The following MACROD1 variants were observed in gnomAD, a reference collection of about 807,000 sequenced individuals.
MACROD1 encodes the protein ADP-ribose glycohydrolase MACROD1.
In MACROD1, 31 loss-of-function variants were observed where a neutral mutation model predicts 41.4. The ratio of observed to expected loss-of-function variants is 0.75; its 90% CI spans 0.56 to 1.01. The LOEUF is 1.01. MACROD1 is among the 50% of genes least tolerant of loss of function. MACROD1 has a pLI of 0.00. For synonymous variants in MACROD1, 252 were observed against 203.4 expected (o/e 1.24, Z -2.03); for missense variants, 473 against 460.0 (o/e 1.03, Z -0.26).
intron 3 of MACROD1, among the ~76,000 whole-genome samples, chr11:64,110,883 T>G (rs1185753070): frequency 6.6e-6 from 1 of 152,178 alleles, no homozygotes; most frequent in Non-Finnish European, 1.5e-5. Context: ...TGAGGCGTGC[T>G]ATCTTCCTCC....
intron 3 of MACROD1, among the ~76,000 whole-genome samples, chr11:64,025,104 G>A (rs949640717): frequency 1.3e-5 from 2 of 152,186 alleles, no homozygotes; most frequent in Admixed American, 6.5e-5. Context: ...TCAGCCTCCT[G>A]AGTAGCTGGG....
intron 4 of MACROD1, chr11:64,001,709 T>G (rs1269537051): frequency 1.4e-6 from 1 of 702,188 alleles, no homozygotes. Context: ...GCTCCTCTCC[T>G]CTGCAGGGAG....
intron 4 of MACROD1, 27 bp downstream of exon 4, chr11:64,015,225 C>T (rs1253529619): frequency 6.3e-7 from 1 of 1,581,804 alleles, no homozygotes; most frequent in Non-Finnish European, 8.6e-7. Context: ...CACACCCCAC[C>T]CCCACCAAGA....
At chr11:64,126,760 G>A (rs1945188724) in intron 3 of MACROD1, 1 of 150,818 alleles carries the variant, frequency 6.6e-6, no homozygotes, top group South Asian at 2.1e-4. Context: ...GAGCAGGCCT[G>A]ATCTCTCCCA....
Position 64,120,578 on chromosome 11 carries a change from G to A in MACROD1, c.517+30661C>T, listed in dbSNP as rs527414800. Reference sequence around the variant, plus strand: ...GCAGGCGCCTGTTACCTGGCTACTCGGGAGGCTGAGGCAGGAGAATCGCTT... The same window carrying A: ...GCAGGCGCCTGTTACCTGGCTACTCAGGAGGCTGAGGCAGGAGAATCGCTT... On this transcript the variant is annotated intron_variant, in intron 3 of 10. Coordinates refer to ENST00000255681, the MANE Select transcript of MACROD1 (RefSeq NM_014067.4). The surrounding 1 kb of genome is among the most constrained non-coding windows in gnomAD (Gnocchi z 4.5). Among the ~76,000 whole-genome samples the A allele has an allele frequency of 5.3e-5, 8 of 152,202 alleles. No homozygotes were observed. In the South Asian group the frequency reaches 1.2e-3, roughly 24 times the overall value.
chr11:64,058,410 G>A (rs1433279852), intron 3 of MACROD1, among the ~76,000 whole-genome samples: 1 of 152,258 alleles, frequency 6.6e-6, no homozygotes, highest in African/African-American at 2.4e-5. Context: ...GCTTGGGGGG[G>A]GGTCCTCCCC....
chr11:64,134,590 C>T (rs904711553), intron 3 of MACROD1, among the ~76,000 whole-genome samples: 7 of 152,096 alleles, frequency 4.6e-5, no homozygotes, highest in African/African-American at 1.2e-4. Context: ...CTACTACATG[C>T]GGGTTTGGTG....
intron 3 of MACROD1, among the ~76,000 whole-genome samples, chr11:64,127,273 G>GA (rs2134648218): frequency 6.6e-6 from 1 of 152,374 alleles, no homozygotes; most frequent in East Asian, 1.9e-4. Flanking sequence ...GAAATAAATA[G>GA]AAAGATTTAA....
intron 1 of MACROD1, among the ~76,000 whole-genome samples, chr11:64,160,841 G>A (rs894783786): frequency 1.4e-5 from 2 of 147,192 alleles, no homozygotes; most frequent in Non-Finnish European, 3.0e-5. Context: ...AAAATGTTCA[G>A]CACAGTTTTA....
At chr11:64,020,785 C>T (rs1210049411) in intron 3 of MACROD1, among the ~76,000 whole-genome samples, 2 of 152,106 alleles carry the variant, frequency 1.3e-5, no homozygotes, top group Non-Finnish European at 2.9e-5. Context: ...GTGGTTCGAT[C>T]TCGGTTCACT....
rs115061568 is a variant in MACROD1, at chr11:64,072,884, G to A, written c.518-57603C>T. The stretch of plus-strand genomic sequence containing the variant: ...AATCCCACATAAACCTACGTGTGGA[G>A]CAGGGGCTTTATTTTTTCTCAAAAG... On this transcript the variant is annotated intron_variant, in intron 3 of 10. Transcript: ENST00000255681. Among the ~76,000 whole-genome samples the A allele has an allele frequency of 7.8e-3, 1,191 of 152,322 alleles. 14 individuals are homozygous for A. The highest frequency in any genetic ancestry group is 0.026 in the African/African-American group (1,062 of 41,556).
At chr11:64,005,823 G>A (rs1319372003) in intron 4 of MACROD1, among the ~76,000 whole-genome samples, 1 of 152,236 alleles carries the variant, frequency 6.6e-6, no homozygotes, top group Non-Finnish European at 1.5e-5. Context: ...CAGGAGGGCT[G>A]GAGACAGAGG....
intron 3 of MACROD1, among the ~76,000 whole-genome samples, chr11:64,033,068 C>A (rs981251676): frequency 3.9e-5 from 6 of 152,204 alleles, no homozygotes; most frequent in Non-Finnish European, 7.3e-5. Context: ...AGACCCAGGT[C>A]AAGAGGCACC....
At chr11:64,024,256 A>C (rs1943196389) in intron 3 of MACROD1, among the ~76,000 whole-genome samples, 1 of 152,210 alleles carries the variant, frequency 6.6e-6, no homozygotes, top group Non-Finnish European at 1.5e-5. Context: ...AAAACGAAAC[A>C]AAAAATAGCT....
intron 3 of MACROD1, among the ~76,000 whole-genome samples, chr11:64,054,393 G>C (rs1943746688): frequency 6.6e-6 from 1 of 152,212 alleles, no homozygotes; most frequent in Non-Finnish European, 1.5e-5. Flanking sequence ...CAGCCAGCCT[G>C]ATAGGCTTTG....
At chr11:64,007,999 G>T (rs567827380) in intron 4 of MACROD1, among the ~76,000 whole-genome samples, 1 of 152,386 alleles carries the variant, frequency 6.6e-6, no homozygotes, top group South Asian at 2.1e-4. Flanking sequence ...CCTAGCGGCC[G>T]CGGGAAGCAA....
chr11:64,129,043 C>T (rs778490100), intron 3 of MACROD1, among the ~76,000 whole-genome samples: 5 of 152,264 alleles, frequency 3.3e-5, no homozygotes, highest in East Asian at 1.9e-4. Context: ...ACCCTCCCCA[C>T]GTGTGGCAGC....
chr11:64,040,513 G>A (rs1014285513), intron 3 of MACROD1, among the ~76,000 whole-genome samples: 9 of 152,178 alleles, frequency 5.9e-5, no homozygotes, highest in Non-Finnish European at 1.3e-4. Flanking sequence ...TCTGCCTCAG[G>A]GACCCTCTGC....
At chr11:64,121,043 C>A (rs545360548) in intron 3 of MACROD1, among the ~76,000 whole-genome samples, 2 of 152,288 alleles carry the variant, frequency 1.3e-5, no homozygotes, top group East Asian at 3.9e-4. Flanking sequence ...GTGAGAGCTG[C>A]CTGGGAAGGT....
Sources: allele counts gnomAD v4.1 joint callset (sites outside exome capture counted in the v4.1 genomes callset), GRCh38; gene constraint gnomAD v4.1.1; non-coding constraint Gnocchi (gnomAD v3.1); transcripts MANE v1.5; gene names NCBI Gene and HGNC (gene_info 2026-07-23, HGNC 2026-07-21).